Variants in ALDH2 observed in about 807,000 individuals in gnomAD.
The protein encoded by ALDH2 is aldehyde dehydrogenase, mitochondrial.
Under a neutral mutation model 59.6 loss-of-function variants are expected in ALDH2, and 44 were observed. That is an observed-to-expected ratio of 0.74 (90% CI 0.58 to 0.95). The LOEUF is 0.95. Ranked by LOEUF, ALDH2 falls within the 40% of genes least tolerant of loss-of-function variation. ALDH2 has a pLI of 0.00. For missense variants in ALDH2, 570 were observed against 696.3 expected (o/e 0.82, Z 2.04); for synonymous variants, 291 against 284.0 (o/e 1.02, Z -0.25).
intron 4 of ALDH2, among the ~76,000 whole-genome samples, chr12:111,785,593 G>T (rs562608715): frequency 6.6e-6 from 1 of 151,944 alleles, no homozygotes; most frequent in Non-Finnish European, 1.5e-5. Context: ...GCATGGTGGC[G>T]CACACCTGTA....
intron 1 of ALDH2, among the ~76,000 whole-genome samples, chr12:111,771,715 C>A (rs2068201304): frequency 6.6e-6 from 1 of 152,128 alleles, no homozygotes; most frequent in African/African-American, 2.4e-5. Context: ...GAAAATTCTC[C>A]TTGGTGTGAG....
Position 111,813,381 on chromosome 12 carries a change from G to A in ALDH2, c.*3806G>A, listed in dbSNP as rs998983485. On this transcript the variant is annotated 3_prime_UTR_variant, in exon 13 of 13. Coordinates refer to ENST00000261733, the MANE Select transcript of ALDH2 (RefSeq NM_000690.4). ...AATTAACAGGACAGCCCCTCCCACC[G>A]GTGTCCTTCCAACGATGTTGCATAC... 1.3e-5 allele frequency: 2 copies of A among 152,160 alleles called. No homozygotes were observed. Among genetic ancestry groups the A allele is most frequent in the Non-Finnish European group, 2.9e-5 (2 of 68,040 alleles). The allele number at this position is 152,160 out of a possible 1,614,324, so 9.4% of individuals were successfully genotyped here.
At chr12:111,781,834 C>G in intron 1 of ALDH2, 84 bp from the exon 2 acceptor site, 1 of 1,055,384 alleles carries the variant, frequency 9.5e-7, no homozygotes, top group Non-Finnish European at 1.4e-6. Context: ...TTTGCTTTTT[C>G]TTGTTTTTTT....
At chr12:111,772,533 T>C (rs921156812) in intron 1 of ALDH2, among the ~76,000 whole-genome samples, 2 of 151,968 alleles carry the variant, frequency 1.3e-5, no homozygotes, top group African/African-American at 4.8e-5. Flanking sequence ...CCAGCTAATT[T>C]TGTATTTTTA....
chr12:111,787,129 C>T (rs1047101113), intron 4 of ALDH2, among the ~76,000 whole-genome samples: 10 of 152,018 alleles, frequency 6.6e-5, no homozygotes, highest in Non-Finnish European at 1.5e-4. Flanking sequence ...TCACTTGAAC[C>T]CAGGAGGTGG....
At chr12:111,796,854 G>A (rs1431529718) in intron 9 of ALDH2, among the ~76,000 whole-genome samples, 1 of 152,238 alleles carries the variant, frequency 6.6e-6, no homozygotes, top group South Asian at 2.1e-4. Context: ...GCAGTGAGCC[G>A]TGATTGTGCC....
At chr12:111,791,587 T>G (rs762738307) in intron 7 of ALDH2, among the ~76,000 whole-genome samples, 168 bp downstream of exon 7, 6 of 152,182 alleles carry the variant, frequency 3.9e-5, no homozygotes, top group Non-Finnish European at 7.4e-5. Context: ...CCCTTCGTGG[T>G]CTGGTTGCCA....
Position 111,783,151 on chromosome 12 carries a change from T to C in ALDH2, c.220-7T>C. On this transcript the variant is annotated splice_region_variant and splice_polypyrimidine_tract_variant and intron_variant, in intron 2 of 12. Coordinates refer to ENST00000261733, the MANE Select transcript of ALDH2 (RefSeq NM_000690.4). ...CAGGAAGGCTTGAGTTTTCCTGTGTTTTCTAGGAAGATGTGGACAAGGCAG... is the reference window on the plus strand; with the variant it reads ...CAGGAAGGCTTGAGTTTTCCTGTGTCTTCTAGGAAGATGTGGACAAGGCAG... 6.2e-7 allele frequency: 1 copy of C among 1,605,270 alleles called. No individual in the cohort carries two copies. Among genetic ancestry groups the C allele is most frequent in the Non-Finnish European group, 8.5e-7 (1 of 1,174,158 alleles).
At chr12:111,791,170 C>G (rs1165028669) in intron 6 of ALDH2, 136 bp from the exon 7 acceptor site, 1 of 654,144 alleles carries the variant, frequency 1.5e-6, no homozygotes, top group African/African-American at 1.8e-5. Flanking sequence ...ATGTAGTGCC[C>G]CATACAATTA....
rs1053939695 is a variant in ALDH2 at position 111,816,837 on chromosome 12, T to G, written c.*7262T>G. The G allele has an allele frequency of 2.0e-5, 3 of 152,210 alleles. No individual in the cohort carries two copies. The allele number at this position is 152,210 out of a possible 1,614,324, so 9.4% of individuals were successfully genotyped here. The stretch of plus-strand genomic sequence containing the variant: ...GTCTTCTAAAGAAGGCTGAAACTCT[T>G]GAGTTTGTTTATTTAAATCAAGAAT... On this transcript the variant is annotated 3_prime_UTR_variant, in exon 13 of 13. Transcript: ENST00000261733.
chr12:111,790,302 G>A (rs2068347935), intron 5 of ALDH2, 132 bp from the exon 6 acceptor site: 1 of 1,132,702 alleles, frequency 8.8e-7, no homozygotes, highest in South Asian at 1.5e-5. Context: ...CACGATGGAT[G>A]GAGTTAGGGG....
rs1441105785 is a variant in ALDH2 at position 111,767,037 on chromosome 12, G to T, written c.55G>T (p.Ala19Ser). The change falls in exon 1 of 13, where the codon GCC becomes TCC. Residue 19 changes from alanine (A) to serine (S), a missense_variant. Ala to Ser is a moderately conservative substitution (Grantham distance 99, BLOSUM62 1). Coordinates refer to ENST00000261733, the MANE Select transcript of ALDH2 (RefSeq NM_000690.4). ...CCGCCTGGGCCGCCGCCTCTTGTCA[G>T]CCGCCGCCACCCAGGCCGTGCCTGC... The part of the protein sequence containing the change: ...GPRLGRRLLS[A>S]AATQAVPAPN... 6.5e-7 allele frequency: 1 copy of T among 1,527,058 alleles called. No individual in the cohort carries two copies. The allele number at this position is 1,527,058 out of a possible 1,614,324, so 94.6% of individuals were successfully genotyped here.
chr12:111,767,500 CT>C (rs1399972243), intron 1 of ALDH2, among the ~76,000 whole-genome samples: 2 of 152,234 alleles, frequency 1.3e-5, no homozygotes, highest in Non-Finnish European at 2.9e-5. Flanking sequence ...CCTTTACCCC[CT>C]GACTCATGCC....
At chr12:111,803,219 AAAAT>A (rs971506958) in intron 11 of ALDH2, among the ~76,000 whole-genome samples, 13 of 151,094 alleles carry the variant, frequency 8.6e-5, no homozygotes, top group African/African-American at 2.9e-4. Context: ...ATAATAAATA[AAAAT>A]AAATAAATAA....
intron 1 of ALDH2, among the ~76,000 whole-genome samples, chr12:111,777,661 G>A (rs1320488339): frequency 1.3e-5 from 2 of 151,998 alleles, no homozygotes; most frequent in African/African-American, 2.4e-5. Context: ...TCTCCTCCAC[G>A]GGCACCCCGA....
In ALDH2 at chr12:111,799,644, G is replaced by A. The variant is rs150347478; in HGVS notation, c.1249-262G>A. On this transcript the variant is annotated intron_variant, in intron 10 of 12. Coordinates refer to ENST00000261733, the MANE Select transcript of ALDH2 (RefSeq NM_000690.4). ...CTTTGACACTAAATCTACGTGTCACGTGTGAATAACATACCTGGCAGGATT... is the reference window on the plus strand; with the variant it reads ...CTTTGACACTAAATCTACGTGTCACATGTGAATAACATACCTGGCAGGATT... 4.8e-3 allele frequency among the ~76,000 whole-genome samples: 728 copies of A among 152,218 alleles called. 10 individuals carry two copies. The highest frequency in any genetic ancestry group is 0.016 in the African/African-American group (683 of 41,538).
intron 11 of ALDH2, 145 bp downstream of exon 11, chr12:111,800,208 C>A: frequency 1.0e-6 from 1 of 1,001,946 alleles, no homozygotes; most frequent in Non-Finnish European, 1.4e-6. Flanking sequence ...TTTGAGAGGT[C>A]CTGCTACCTC....
In ALDH2 at chr12:111,785,338, A is replaced by T. The variant is rs766849182; in HGVS notation, c.432A>T (p.Lys144Asn). The change falls in exon 4 of 13, where the codon AAA (lysine) becomes AAT (asparagine). Residue 144 changes from lysine (K) to asparagine (N), a missense_variant. By Grantham distance (94) the Lys-to-Asn change is moderately conservative. Coordinates refer to ENST00000261733, the MANE Select transcript of ALDH2 (RefSeq NM_000690.4). ...SYLVDLDMVL[K>N]CLRYYAGWAD... is the part of the protein sequence containing the mutation. ...TGGTGGATTTGGACATGGTCCTCAAATGTCTCCGGTATGGGCTCAGCTTTC... is the reference window on the plus strand; with the variant it reads ...TGGTGGATTTGGACATGGTCCTCAATTGTCTCCGGTATGGGCTCAGCTTTC... The T allele has an allele frequency of 3.1e-6, 5 of 1,613,652 alleles. No homozygotes were observed. The South Asian group carries it at 3.3e-5, about 11-fold the overall frequency.
At position 111,792,775 on chromosome 12, in the gene ALDH2, G is replaced by A; in HGVS notation, c.1076G>A (p.Gly359Glu). The A allele has an allele frequency of 6.5e-7, 1 of 1,549,810 alleles. No homozygotes were observed. Among genetic ancestry groups the A allele is most frequent in the South Asian group, 1.2e-5 (1 of 84,208 alleles). Residue 359 changes from glycine (G) to glutamate (E), a missense_variant, in exon 9 of 13, where the codon GGG (glycine) becomes GAG (glutamate). Gly to Glu is a moderately conservative substitution (Grantham distance 98). Coordinates refer to ENST00000261733, the MANE Select transcript of ALDH2 (RefSeq NM_000690.4). ...CCCTTTGATAGCAAGACCGAGCAGG[G>A]GCCGCAGGTGAGCCAGGCAGTGCCG... The part of the protein sequence containing the change: ...GNPFDSKTEQ[G>E]PQVDETQFKK...
Sources: gnomAD v4.1 joint callset for allele counts (sites outside exome capture counted in the v4.1 genomes callset) on GRCh38, gnomAD v4.1.1 for gene constraint, MANE v1.5 for transcripts, NCBI Gene and HGNC (gene_info 2026-07-23, HGNC 2026-07-21) for gene names.